ZFHX3: variants seen among roughly 807,000 people sequenced by gnomAD.
ZFHX3 encodes zinc finger homeobox 3.
A neutral mutation model predicts 279.1 loss-of-function variants in ZFHX3; 42 were observed. The ratio of observed to expected loss-of-function variants is 0.15; its 90% CI spans 0.12 to 0.19. The LOEUF is 0.19. ZFHX3 is among the 10% of genes least tolerant of loss of function. The probability of loss-of-function intolerance (pLI) is 1.00; values close to 1 mark genes in which losing one functional copy is unlikely to be tolerated. For synonymous variants in ZFHX3, 2,293 were observed against 1,957.8 expected, an observed-to-expected ratio of 1.17 and a Z score of -4.52; for missense variants, 4,981 against 4,754.0, an observed-to-expected ratio of 1.05 and a Z score of -1.40.
chr16:73,524,619 GTGTCC>G (rs1249356713), intron 2 of ZFHX3, among the ~76,000 whole-genome samples: 11 of 152,148 alleles, frequency 7.2e-5, no homozygotes, highest in African/African-American at 2.4e-4. Context: ...TTTCTCTCTA[GTGTCC>G]TACTCTACGG....
In ZFHX3 at chr16:73,068,867, G is replaced by A. The variant is rs1460348595; in HGVS notation, c.-532-9855C>T. On this transcript the variant is annotated intron_variant, in intron 8 of 17. Coordinates refer to the ZFHX3 transcript ENST00000641206. ...AGGCTGTGGGTGGGGCAGCTCCACAGCTCCCTTGAAACAAAGATGATGCCT... is the reference window on the plus strand; with the variant it reads ...AGGCTGTGGGTGGGGCAGCTCCACAACTCCCTTGAAACAAAGATGATGCCT... Among the ~76,000 whole-genome samples the A allele has an allele frequency of 2.0e-5, 3 of 152,222 alleles. No individual in the cohort carries two copies. The East Asian group carries it at 5.8e-4, about 29-fold the overall frequency.
intron 1 of ZFHX3, among the ~76,000 whole-genome samples, chr16:72,977,161 G>T (rs1409999135): frequency 4.6e-5 from 7 of 152,160 alleles, no homozygotes; most frequent in Admixed American, 3.9e-4. Flanking sequence ...AACCCAACTG[G>T]TTTCCCACTT....
chr16:72,950,578 T>C lies in ZFHX3; in HGVS notation c.3107A>G (p.Asn1036Ser). The C allele has an allele frequency of 6.2e-7, 1 of 1,614,090 alleles. No individual in the cohort carries two copies. Among genetic ancestry groups the C allele is most frequent in the South Asian group, 1.1e-5 (1 of 91,072 alleles). Residue 1036 changes from asparagine to serine, a missense_variant, in exon 3 of 10, where the codon AAC becomes AGC. Asn to Ser is a conservative substitution (Grantham distance 46). This residue lies in a region of ZFHX3 where 1,751 missense variants were observed against 1,770.0 expected (regional missense o/e 0.99). Transcript: ENST00000268489. ...EWRLKCVAIG[N>S]PVHLKCNACD... ...GGCGTTGCACTTGAGGTGCACGGGG[T>C]TGCCGATGGCCACACACTTGAGCCT...
intron 2 of ZFHX3, among the ~76,000 whole-genome samples, chr16:73,601,333 G>A (rs1258249015): frequency 2.6e-5 from 4 of 151,058 alleles, no homozygotes. Flanking sequence ...AGCTGGGTGT[G>A]GTGGCACATG....
chr16:73,182,499 A>C (rs929093066), intron 5 of ZFHX3, among the ~76,000 whole-genome samples: 2 of 152,124 alleles, frequency 1.3e-5, no homozygotes, highest in African/African-American at 4.8e-5. Flanking sequence ...CAAATAACTA[A>C]AAATAGAACT....
At chr16:72,924,319 G>A (rs1399917453) in intron 3 of ZFHX3, among the ~76,000 whole-genome samples, 2 of 152,264 alleles carry the variant, frequency 1.3e-5, no homozygotes, top group Middle Eastern at 3.4e-3. Flanking sequence ...GCCCTTCCTA[G>A]GAATAGTTCA....
exon 3 of ZFHX3, chr16:73,456,055 T>C (rs2018365727): frequency 6.6e-6 from 1 of 152,174 alleles, no homozygotes; most frequent in South Asian, 2.1e-4. Context: ...ATATGTGGTC[T>C]TTAAAAATGT....
intron 2 of ZFHX3, among the ~76,000 whole-genome samples, chr16:73,594,274 C>A (rs2052027218): frequency 6.6e-6 from 1 of 151,944 alleles, no homozygotes; most frequent in Non-Finnish European, 1.5e-5. Context: ...TAAAATACAT[C>A]TAGAAATAAA....
At chr16:72,866,977 C>T (rs568391790) in intron 4 of ZFHX3, among the ~76,000 whole-genome samples, 2 of 152,194 alleles carry the variant, frequency 1.3e-5, no homozygotes, top group African/African-American at 4.8e-5. Context: ...AAAATATGAA[C>T]AGTCATTATC....
intron 1 of ZFHX3, among the ~76,000 whole-genome samples, chr16:73,774,395 C>T (rs2054053577): frequency 6.6e-6 from 1 of 152,182 alleles, no homozygotes; most frequent in Non-Finnish European, 1.5e-5. Context: ...CCTTCACAGT[C>T]CATGCTGGCT....
At chr16:73,465,827 A>G (rs961397675) in intron 2 of ZFHX3, among the ~76,000 whole-genome samples, 3 of 152,160 alleles carry the variant, frequency 2.0e-5, no homozygotes, top group African/African-American at 7.2e-5. Context: ...CTCTGAATGG[A>G]CTGTGAGACT....
chr16:73,031,450 A>G (rs760807912), intron 1 of ZFHX3, among the ~76,000 whole-genome samples: 1 of 152,216 alleles, frequency 6.6e-6, no homozygotes, highest in Non-Finnish European at 1.5e-5. Flanking sequence ...AGGAGGCCAA[A>G]GGGAAAAGCG....
At chr16:73,559,764 T>A (rs1212786440) in intron 2 of ZFHX3, among the ~76,000 whole-genome samples, 1 of 152,112 alleles carries the variant, frequency 6.6e-6, no homozygotes, top group Non-Finnish European at 1.5e-5. Context: ...TCTCTCTCTC[T>A]GCCACCGTCC....
At chr16:72,863,977 C>T (rs1257152354) in intron 4 of ZFHX3, among the ~76,000 whole-genome samples, 1 of 151,944 alleles carries the variant, frequency 6.6e-6, no homozygotes, top group Non-Finnish European at 1.5e-5. Flanking sequence ...ATTAGCTGGG[C>T]GTGGTGGTGG....
chr16:73,239,014 C>A (rs191755470), intron 5 of ZFHX3, among the ~76,000 whole-genome samples: 97 of 152,300 alleles, frequency 6.4e-4, no homozygotes, highest in African/African-American at 1.6e-3. Flanking sequence ...TTCACAATGA[C>A]CAAGTTTTCC....
upstream of ZFHX3, among the ~76,000 whole-genome samples, chr16:73,052,615 A>C (rs961800280): frequency 6.6e-6 from 1 of 152,186 alleles, no homozygotes; most frequent in African/African-American, 2.4e-5. Flanking sequence ...GGCTGTTCCA[A>C]TCGCCAGTGA....
At chr16:73,345,242 A>G (rs2016101981) in intron 3 of ZFHX3, among the ~76,000 whole-genome samples, 1 of 152,018 alleles carries the variant, frequency 6.6e-6, no homozygotes, top group Non-Finnish European at 1.5e-5. Flanking sequence ...AATTAATTTG[A>G]GTTTTTAAGT....
chr16:73,467,134 T>C (rs1031644647), intron 2 of ZFHX3, among the ~76,000 whole-genome samples: 3 of 152,150 alleles, frequency 2.0e-5, no homozygotes, highest in African/African-American at 7.2e-5. Flanking sequence ...GAGTGATCTT[T>C]GCATCTCAAG....
intron 2 of ZFHX3, chr16:73,679,596 T>G (rs1221270220): frequency 6.6e-6 from 1 of 152,176 alleles, no homozygotes; most frequent in Non-Finnish European, 1.5e-5. Context: ...ATTTGCCATA[T>G]CGTCTTCTAC....
Sources: allele counts gnomAD v4.1 joint callset (sites outside exome capture counted in the v4.1 genomes callset), GRCh38; gene constraint gnomAD v4.1.1; regional missense constraint gnomAD v4.1.1; transcripts MANE v1.5; gene names NCBI Gene and HGNC (gene_info 2026-07-23, HGNC 2026-07-21).